The following CCSER1 variants were observed in gnomAD, a reference collection of about 807,000 sequenced individuals.
The protein encoded by CCSER1 is serine-rich coiled-coil domain-containing protein 1.
CCSER1 carries 41 observed loss-of-function variants against 82.0 expected under a neutral mutation model. The ratio of observed to expected loss-of-function variants is 0.50; its 90% CI spans 0.39 to 0.65. The LOEUF is 0.65. Ranked by LOEUF, CCSER1 falls within the 30% of genes least tolerant of loss-of-function variation. CCSER1 has a pLI of 0.00. For missense variants in CCSER1, 1,119 were observed against 1,064.2 expected (o/e 1.05, Z -0.72); for synonymous variants, 414 against 383.9 (o/e 1.08, Z -0.92).
intron 7 of CCSER1, among the ~76,000 whole-genome samples, chr4:90,792,102 G>C (rs1170687234): frequency 6.6e-6 from 1 of 152,036 alleles, no homozygotes; most frequent in East Asian, 1.9e-4. Flanking sequence ...TCAGTTTTTT[G>C]ACTTTGCAGA....
chr4:91,386,737 A>C, intron 10 of CCSER1, among the ~76,000 whole-genome samples: 1 of 152,046 alleles, frequency 6.6e-6, no homozygotes, highest in Non-Finnish European at 1.5e-5. Context: ...TGCATGTGAC[A>C]GCCTACAAAG....
chr4:91,253,916 G>A (rs1218840680), intron 10 of CCSER1, among the ~76,000 whole-genome samples: 1 of 151,960 alleles, frequency 6.6e-6, no homozygotes, highest in Admixed American at 6.6e-5. Context: ...TCACTATCAC[G>A]AGGACAGTAT....
At chr4:90,762,582 C>T (rs1750573609) in intron 7 of CCSER1, among the ~76,000 whole-genome samples, 1 of 152,152 alleles carries the variant, frequency 6.6e-6, no homozygotes, top group Non-Finnish European at 1.5e-5. Context: ...CCATAGTTAT[C>T]ACTTACAAAT....
chr4:90,273,339 G>T (rs186082752), intron 1 of CCSER1, among the ~76,000 whole-genome samples: 2 of 151,980 alleles, frequency 1.3e-5, no homozygotes, highest in East Asian at 1.9e-4. Flanking sequence ...CAATTTAATC[G>T]CATGTTTAAA....
intron 10 of CCSER1, among the ~76,000 whole-genome samples, chr4:91,497,583 C>G (rs1758992052): frequency 6.6e-6 from 1 of 151,666 alleles, no homozygotes; most frequent in Admixed American, 6.6e-5. Context: ...TTGAAGGATG[C>G]TATAATAAAC....
rs181742672 is a variant in CCSER1, at chr4:90,325,680, T to C, written c.1509+12633T>C. 469 of 442,886 alleles carry C rather than the reference T, an allele frequency of 1.1e-3. 2 individuals carry two copies. Among genetic ancestry groups the C allele is most frequent in the African/African-American group, 8.6e-3 (430 of 50,088 alleles). The allele number at this position is 442,886 out of a possible 1,614,324, so 27.4% of individuals were successfully genotyped here. A position where few individuals can be genotyped will look rare whatever the true frequency, so the allele number is the denominator to read the frequency against. On this transcript the variant is annotated intron_variant, in intron 3 of 10. Coordinates refer to ENST00000509176, the MANE Select transcript of CCSER1 (RefSeq NM_001145065.2). Reference sequence around the variant, plus strand: ...GACCTTCAGTAAACTAACTACCTGTTCTGAGGTGACAGTCACTGGAATCTG... The same window carrying C: ...GACCTTCAGTAAACTAACTACCTGTCCTGAGGTGACAGTCACTGGAATCTG...
chr4:90,427,209 G>T (rs1165948681), intron 4 of CCSER1, among the ~76,000 whole-genome samples: 1 of 151,634 alleles, frequency 6.6e-6, no homozygotes, highest in African/African-American at 2.4e-5. Context: ...AGGAATTTTT[G>T]GTTTGATTTG....
chr4:91,388,541 T>C (rs959023621), intron 10 of CCSER1, among the ~76,000 whole-genome samples: 2 of 152,096 alleles, frequency 1.3e-5, no homozygotes, highest in African/African-American at 2.4e-5. Flanking sequence ...AGGGTTCCTA[T>C]TGTTCCAAAT....
At chr4:90,633,572 T>A (rs1560851164) in intron 6 of CCSER1, among the ~76,000 whole-genome samples, 1 of 151,986 alleles carries the variant, frequency 6.6e-6, no homozygotes, top group Non-Finnish European at 1.5e-5. Flanking sequence ...TATTTCCATA[T>A]GTACTCACTC....
intron 10 of CCSER1, among the ~76,000 whole-genome samples, chr4:91,233,861 A>G (rs1309672248): frequency 6.6e-6 from 1 of 151,946 alleles, no homozygotes; most frequent in Non-Finnish European, 1.5e-5. Context: ...CGAATAAAAA[A>G]TATAAGTCTT....
Position 90,308,473 on chromosome 4 carries a change from C to A in CCSER1, c.189C>A (p.Phe63Leu), listed in dbSNP as rs910772261. Residue 63 changes from phenylalanine (F) to leucine (L), a missense_variant, in exon 2 of 11, where the codon TTC (phenylalanine) becomes TTA (leucine). Physicochemically the swap from Phe to Leu is conservative, Grantham distance 22 (BLOSUM62 0). Transcript: ENST00000509176. ...GCACAGGTAAACGGAGGAGCATATT[C>A]CGTACTCCTTCCATTAGCTTCCACC... ...SGSTGKRRSI[F>L]RTPSISFHHK... is the part of the protein sequence containing the mutation. 1.1e-5 allele frequency: 17 copies of A among 1,613,876 alleles called. No homozygotes were observed. Among genetic ancestry groups the A allele is most frequent in the Non-Finnish European group, 1.4e-5 (17 of 1,179,812 alleles).
rs557133996 is a variant in CCSER1, at chr4:90,494,922, A to G, written c.1724+26568A>G. 4.6e-5 allele frequency among the ~76,000 whole-genome samples: 7 copies of G among 151,748 alleles called. No individual in the cohort carries two copies. The South Asian group carries it at 6.2e-4, about 14-fold the overall frequency. Reference sequence around the variant, plus strand: ...TCCTCGTACAGCTTTGTTGATGCCTATATCCCTTGTTTTGGTTACTGACCC... The same window carrying G: ...TCCTCGTACAGCTTTGTTGATGCCTGTATCCCTTGTTTTGGTTACTGACCC... On this transcript the variant is annotated intron_variant, in intron 5 of 10. Transcript: ENST00000509176.
At chr4:91,508,162 G>GTTTT (rs139066436) in intron 10 of CCSER1, among the ~76,000 whole-genome samples, 5 of 97,646 alleles carry the variant, frequency 5.1e-5, no homozygotes, top group Non-Finnish European at 7.6e-5. Flanking sequence ...TTTTTTCTGG[G>GTTTT]TTTTTTTTTT....
chr4:90,701,061 G>A (rs951893855), intron 6 of CCSER1, among the ~76,000 whole-genome samples: 1 of 152,170 alleles, frequency 6.6e-6, no homozygotes, highest in African/African-American at 2.4e-5. Context: ...CCTTGCCCAT[G>A]CCTATGTCCT....
chr4:90,612,474 T>G (rs2148828530), intron 5 of CCSER1, among the ~76,000 whole-genome samples: 1 of 152,216 alleles, frequency 6.6e-6, no homozygotes, highest in South Asian at 2.1e-4. Context: ...GAAAAGAAAC[T>G]TAGGCAGTAT....
chr4:91,549,099 C>G (rs1762035578), intron 10 of CCSER1, among the ~76,000 whole-genome samples: 1 of 151,800 alleles, frequency 6.6e-6, no homozygotes, highest in African/African-American at 2.4e-5. Context: ...AGTTCTTATT[C>G]TCCTATTCAC....
intron 1 of CCSER1, among the ~76,000 whole-genome samples, chr4:90,139,287 A>G (rs1314229821): frequency 1.3e-5 from 2 of 152,174 alleles, no homozygotes; most frequent in East Asian, 1.9e-4. Flanking sequence ...ATGTGCCTGT[A>G]TATATTTTCC....
intron 10 of CCSER1, among the ~76,000 whole-genome samples, chr4:91,497,055 G>A (rs888683195): frequency 6.7e-6 from 1 of 150,340 alleles, no homozygotes; most frequent in Non-Finnish European, 1.5e-5. Flanking sequence ...TCCACAGATG[G>A]TCTTAGGGAT....
intron 10 of CCSER1, among the ~76,000 whole-genome samples, chr4:91,523,004 G>T (rs1760570266): frequency 6.6e-6 from 1 of 152,156 alleles, no homozygotes; most frequent in African/African-American, 2.4e-5. Flanking sequence ...GATATTGGCT[G>T]TGGGTTTGTC....
Sources: allele counts gnomAD v4.1 joint callset (sites outside exome capture counted in the v4.1 genomes callset), GRCh38; gene constraint gnomAD v4.1.1; transcripts MANE v1.5; gene names NCBI Gene and HGNC (gene_info 2026-07-23, HGNC 2026-07-21).